MAP3K6: variants seen among roughly 807,000 people sequenced by gnomAD.
The protein encoded by MAP3K6 is mitogen-activated protein kinase kinase kinase 6, also known as apoptosis signal-regulating kinase 2.
MAP3K6 carries 105 observed loss-of-function variants against 147.1 expected under a neutral mutation model. The observed-to-expected ratio is 0.71, with a 90% CI of 0.61 to 0.84. The LOEUF is 0.84. MAP3K6 is among the 40% of genes least tolerant of loss of function. MAP3K6 has a pLI of 0.00. For missense variants in MAP3K6, 1,569 were observed against 1,715.0 expected, an observed-to-expected ratio of 0.91 and a Z score of 1.50; for synonymous variants, 695 against 732.4, an observed-to-expected ratio of 0.95 and a Z score of 0.82.
chr1:27,355,596 A>G, intron 28 of MAP3K6, 73 bp downstream of exon 28: 2 of 1,594,096 alleles, frequency 1.3e-6, no homozygotes, highest in Non-Finnish European at 1.7e-6. Flanking sequence ...TCCAGGAAGG[A>G]ACCTAGGCAG....
At chr1:27,356,941 C>T in intron 24 of MAP3K6, 68 bp downstream of exon 24, 3 of 1,528,486 alleles carry the variant, frequency 2.0e-6, no homozygotes, top group South Asian at 2.3e-5. Flanking sequence ...CGGCCCCATT[C>T]GATGTTCACC....
rs2015641404 is a variant in MAP3K6, at chr1:27,358,853, A to G, written c.2439T>C (p.Tyr813=). 2 of 1,584,954 alleles carry G rather than the reference A, an allele frequency of 1.3e-6. No homozygotes were observed. The highest frequency in any genetic ancestry group is 1.7e-6 in the Non-Finnish European group (2 of 1,165,060). The change falls in exon 19 of 29, where the codon TAT becomes TAC. Residue 813 remains tyrosine (Y), a synonymous_variant. Coordinates refer to ENST00000357582, the MANE Select transcript of MAP3K6 (RefSeq NM_004672.5). The surrounding 1 kb of genome is among the most constrained non-coding windows in gnomAD (Gnocchi z 6.2). The part of the protein sequence containing the change: ...CTETFTGTLQ[Y]MAPEIIDQGP... Reference sequence around the variant, plus strand: ...CCTGGTCAATGATTTCTGGGGCCATATACTGCAGAGTTCCTAGGACAGAAA... The same window carrying G: ...CCTGGTCAATGATTTCTGGGGCCATGTACTGCAGAGTTCCTAGGACAGAAA...
At chr1:27,357,207 C>T in intron 23 of MAP3K6, 93 bp from the exon 24 acceptor site, 2 of 1,309,980 alleles carry the variant, frequency 1.5e-6, no homozygotes, top group South Asian at 1.3e-5. Context: ...CGGCGGGAGG[C>T]GAGTGGGGTG....
Position 27,364,085 on chromosome 1 carries a change from A to T in MAP3K6, c.696T>A (p.Cys232Ter). The change falls in exon 5 of 29, where the codon TGT (cysteine) becomes TGA (stop). Residue 232 changes from cysteine to a stop codon, truncating the protein, a stop_gained and splice_region_variant. Transcript: ENST00000357582. LOFTEE classifies it high-confidence loss of function. This position sits in a 1 kb window ranked among gnomAD's most constrained non-coding sequence, Gnocchi z 4.4. ...RLLEATPTDS[C>*]GYFRETIRRD... ...GCCGAATGGTCTCCCGGAAATAGCC[A>T]CTGATGCCCAGGGTAGGGGAGGCAG... is the stretch of plus-strand genomic sequence containing the variant. The T allele has an allele frequency of 6.2e-7, 1 of 1,611,588 alleles. No homozygotes were observed. Among genetic ancestry groups the T allele is most frequent in the Non-Finnish European group, 8.5e-7 (1 of 1,179,126 alleles).
At position 27,366,132 on chromosome 1, in the gene MAP3K6, G is replaced by A. The variant is rs566230470; in HGVS notation, c.340+126C>T. 9.7e-7 allele frequency: 1 copy of A among 1,031,354 alleles called. No homozygotes were observed. The highest frequency in any genetic ancestry group is 4.6e-5 in the South Asian group (1 of 21,690). The allele number at this position is 1,031,354 out of a possible 1,614,324, so 63.9% of individuals were successfully genotyped here. On this transcript the variant is annotated intron_variant, in intron 1 of 28. Coordinates refer to ENST00000357582, the MANE Select transcript of MAP3K6 (RefSeq NM_004672.5). This position sits in a 1 kb window ranked among gnomAD's most constrained non-coding sequence, Gnocchi z 5.5. ...CCCTGTCCCAAGCCCTTCAGCTTTA[G>A]CTCACTTTAAGTCCCCTAGACCCGG...
chr1:27,357,818 T>C lies in MAP3K6; in HGVS notation c.2974A>G (p.Ser992Gly). ...PASPEESSGL[S>G]LLHQESKRRA... ...CGCTTGCTCTCCTGGTGCAGCAGGCTCAGCCCCGAACTCTCCTCCGGAGAC... is the reference window on the plus strand; with the variant it reads ...CGCTTGCTCTCCTGGTGCAGCAGGCCCAGCCCCGAACTCTCCTCCGGAGAC... The change falls in exon 22 of 29, where the codon AGC (serine) becomes GGC (glycine). Residue 992 changes from serine (S) to glycine (G), a missense_variant. Physicochemically the swap from Ser to Gly is moderately conservative, Grantham distance 56 (BLOSUM62 0). Transcript: ENST00000357582. The C allele has an allele frequency of 6.2e-7, 1 of 1,604,186 alleles. No homozygotes were observed. The highest frequency in any genetic ancestry group is 1.1e-5 in the South Asian group (1 of 89,848).
Position 27,363,990 on chromosome 1 carries a change from C to T in MAP3K6, c.791G>A (p.Arg264Gln), listed in dbSNP as rs755202909. 1.0e-4 allele frequency: 165 copies of T among 1,610,678 alleles called. No individual in the cohort carries two copies. The highest frequency in any genetic ancestry group is 1.3e-4 in the Non-Finnish European group (152 of 1,179,906). ...QLRQELARLQRRLDSVELLSP... is the reference protein window; with the variant it reads ...QLRQELARLQQRLDSVELLSP... Reference sequence around the variant, plus strand: ...CAGCAGCTCCACGCTGTCCAGTCTCCGCTGCAGGCGAGCCAGCTCCTGCCG... The same window carrying T: ...CAGCAGCTCCACGCTGTCCAGTCTCTGCTGCAGGCGAGCCAGCTCCTGCCG... Residue 264 changes from arginine to glutamine, a missense_variant, in exon 5 of 29, where the codon CGG becomes CAG. By Grantham distance (43) the Arg-to-Gln change is conservative. Transcript: ENST00000357582.
At position 27,358,952 on chromosome 1, in the gene MAP3K6, G is replaced by A. The variant is rs370424993; in HGVS notation, c.2426-86C>T. 7 of 1,352,996 alleles carry A rather than the reference G, an allele frequency of 5.2e-6. No individual in the cohort carries two copies. Among genetic ancestry groups the A allele is most frequent in the East Asian group, 2.3e-5 (1 of 43,190 alleles). 83.8% of individuals were successfully genotyped at this position (1,352,996 alleles called of 1,614,324 possible). On this transcript the variant is annotated intron_variant, in intron 18 of 28. Coordinates refer to ENST00000357582, the MANE Select transcript of MAP3K6 (RefSeq NM_004672.5). This position sits in a 1 kb window ranked among gnomAD's most constrained non-coding sequence, Gnocchi z 6.2. ...AGGGGAATGCCGTCATCCTCAGGCC[G>A]ACTGCACCCATACTGAACCTATCAT...
At chr1:27,362,523 C>T in intron 8 of MAP3K6, 118 bp downstream of exon 8, 1 of 859,956 alleles carries the variant, frequency 1.2e-6, no homozygotes, top group Non-Finnish European at 1.8e-6. Context: ...ATGGGCAGGA[C>T]AGTCCAAAAT....
At position 27,366,447 on chromosome 1, in the gene MAP3K6, G is replaced by A. The variant is rs988917676; in HGVS notation, c.151C>T (p.Leu51=). ...RSRPLSVVYV[L]TREPQPGLEP... is the part of the protein sequence containing the mutation. ...AGCCCGGGCTGCGGCTCCCGGGTCAGCACGTAGACCACGCTGAGCGGCCGG... is the reference window on the plus strand; with the variant it reads ...AGCCCGGGCTGCGGCTCCCGGGTCAACACGTAGACCACGCTGAGCGGCCGG... Residue 51 remains leucine (L), a synonymous_variant, in exon 1 of 29, where the codon CTG becomes TTG. Coordinates refer to ENST00000357582, the MANE Select transcript of MAP3K6 (RefSeq NM_004672.5). The surrounding 1 kb of genome is among the most constrained non-coding windows in gnomAD (Gnocchi z 5.5). 25 of 1,200,934 alleles carry A rather than the reference G, an allele frequency of 2.1e-5. No individual in the cohort carries two copies. Among genetic ancestry groups the A allele is most frequent in the African/African-American group, 7.9e-5 (5 of 63,052 alleles). 74.4% of individuals were successfully genotyped at this position (1,200,934 alleles called of 1,614,324 possible). A position where few individuals can be genotyped will look rare whatever the true frequency, so the allele number is the denominator to read the frequency against.
rs761776346 is a variant in MAP3K6, at chr1:27,364,884, C to A, written c.369G>T (p.Ser123=). 44 of 1,601,952 alleles carry A rather than the reference C, an allele frequency of 2.7e-5. No homozygotes were observed. Among genetic ancestry groups the A allele is most frequent in the Non-Finnish European group, 3.6e-5 (42 of 1,171,542 alleles). Residue 123 remains serine, a synonymous_variant, in exon 2 of 29, where the codon TCG becomes TCT. Coordinates refer to ENST00000357582, the MANE Select transcript of MAP3K6 (RefSeq NM_004672.5). This position sits in a 1 kb window ranked among gnomAD's most constrained non-coding sequence, Gnocchi z 4.4. ...ADVVVLEVSS[S]LVQPSLFYHL... ...GGTAGAACAGGGAGGGCTGTACCAG[C>A]GAGCTGCTCACCTCCAGCACCACCA...
At position 27,357,567 on chromosome 1, in the gene MAP3K6, G is replaced by A; in HGVS notation, c.3091C>T (p.Leu1031=). Reference sequence around the variant, plus strand: ...AGCTCTTCCACATGGTTTCTGCCCAGACGGGCCCCCTGAGAAGGAAGAGAG... The same window carrying A: ...AGCTCTTCCACATGGTTTCTGCCCAAACGGGCCCCCTGAGAAGGAAGAGAG... ...QEQKQEQGAR[L]GRNHVEELLR... The change falls in exon 23 of 29, where the codon CTG becomes TTG. Residue 1031 remains leucine, a synonymous_variant. Transcript: ENST00000357582. The A allele has an allele frequency of 6.2e-7, 1 of 1,607,988 alleles. No individual in the cohort carries two copies. Among genetic ancestry groups the A allele is most frequent in the Non-Finnish European group, 8.5e-7 (1 of 1,176,310 alleles).
Position 27,358,132 on chromosome 1 carries a change from A to T in MAP3K6, c.2915+49T>A. ...GGAGGGCTTTTGTAGGAGAGGAGAA[A>T]AAGGCAAAACCAGGCAAAAGGAACC... On this transcript the variant is annotated intron_variant, in intron 21 of 28. Transcript: ENST00000357582. The surrounding 1 kb of genome is among the most constrained non-coding windows in gnomAD (Gnocchi z 6.2). The T allele has an allele frequency of 6.5e-7, 1 of 1,535,732 alleles. No individual in the cohort carries two copies. The highest frequency in any genetic ancestry group is 8.7e-7 in the Non-Finnish European group (1 of 1,145,282).
At chr1:27,356,878 T>C (rs2015546831) in intron 24 of MAP3K6, 129 bp from the exon 25 acceptor site, 24 of 1,410,702 alleles carry the variant, frequency 1.7e-5, no homozygotes, top group Non-Finnish European at 2.3e-5. Context: ...GAGATGTCCA[T>C]TTAGTCACGC....
intron 26 of MAP3K6, 38 bp from the exon 27 acceptor site, chr1:27,356,137 C>T (rs1157976231): frequency 1.3e-6 from 2 of 1,582,498 alleles, no homozygotes; most frequent in Non-Finnish European, 1.7e-6. Flanking sequence ...CCAAGAGTGC[C>T]TCCTGCTAGA....
intron 9 of MAP3K6, 97 bp downstream of exon 9, chr1:27,361,994 A>G: frequency 6.5e-7 from 1 of 1,526,878 alleles, no homozygotes; most frequent in Middle Eastern, 1.8e-4. Context: ...AAAAGCAGCC[A>G]GGTCATTGGC....
At chr1:27,363,181 G>C (rs1418441863) in intron 6 of MAP3K6, among the ~76,000 whole-genome samples, 160 bp from the exon 7 acceptor site, 1 of 152,172 alleles carries the variant, frequency 6.6e-6, no homozygotes, top group East Asian at 1.9e-4. Flanking sequence ...AGTGACCTCA[G>C]ATGGAAGTGA....
rs2015583264 is a variant in MAP3K6 at position 27,357,703 on chromosome 1, C to T, written c.3081+8G>A. 1.9e-6 allele frequency: 3 copies of T among 1,608,920 alleles called. No individual in the cohort carries two copies. Among genetic ancestry groups the T allele is most frequent in the African/African-American group, 2.7e-5 (2 of 74,924 alleles). On this transcript the variant is annotated splice_region_variant and intron_variant, in intron 22 of 28. Coordinates refer to ENST00000357582, the MANE Select transcript of MAP3K6 (RefSeq NM_004672.5). ...GACCACCAGGGGGCGCTAGAGTGGG[C>T]CGCCCACCTGCTCTTGCTTCTGCTC... is the stretch of plus-strand genomic sequence containing the variant.
In MAP3K6 at chr1:27,360,688, G is replaced by A; in HGVS notation, c.2054+17C>T. ...CTCGCGAGCCCTCAGCCCCACCCGC[G>A]CTGCCACGCACCGCACCTGCTGTCC... is the stretch of plus-strand genomic sequence containing the variant. On this transcript the variant is annotated intron_variant, in intron 15 of 28. Coordinates refer to ENST00000357582, the MANE Select transcript of MAP3K6 (RefSeq NM_004672.5). The surrounding 1 kb of genome is among the most constrained non-coding windows in gnomAD (Gnocchi z 4.5). 8.1e-6 allele frequency: 13 copies of A among 1,601,790 alleles called. No individual in the cohort carries two copies. The highest frequency in any genetic ancestry group is 1.1e-5 in the Non-Finnish European group (13 of 1,174,386).
Sources: allele counts gnomAD v4.1 joint callset (sites outside exome capture counted in the v4.1 genomes callset), GRCh38; gene constraint gnomAD v4.1.1; non-coding constraint Gnocchi (gnomAD v3.1); transcripts MANE v1.5; gene names NCBI Gene and HGNC (gene_info 2026-07-23, HGNC 2026-07-21).